The following PDE4B variants were observed in gnomAD, a reference collection of about 807,000 sequenced individuals.
The protein encoded by PDE4B is phosphodiesterase 4B, also known as 3',5'-cyclic-AMP phosphodiesterase 4B.
PDE4B carries 20 observed loss-of-function variants against 82.2 expected under a neutral mutation model. The ratio of observed to expected loss-of-function variants is 0.24; its 90% CI spans 0.17 to 0.35. The LOEUF (loss-of-function observed/expected upper bound fraction) is 0.35, where lower values mean the gene tolerates loss of function less well. Among genes scored for constraint, PDE4B ranks in the 10% least tolerant of loss-of-function variants. PDE4B has a pLI of 1.00. For missense variants in PDE4B, 655 were observed against 907.2 expected (o/e 0.72, Z 3.57); for synonymous variants, 320 against 318.9 (o/e 1.00, Z -0.04).
At chr1:66,037,286 A>G (rs1654119782) in intron 3 of PDE4B, among the ~76,000 whole-genome samples, 1 of 152,112 alleles carries the variant, frequency 6.6e-6, no homozygotes, top group African/African-American at 2.4e-5. Context: ...ATATCTTTTC[A>G]TTTGTCATCA....
At chr1:66,071,131 A>C (rs538324198) in intron 3 of PDE4B, among the ~76,000 whole-genome samples, 1 of 152,188 alleles carries the variant, frequency 6.6e-6, no homozygotes, top group African/African-American at 2.4e-5. Flanking sequence ...TACTCTAATA[A>C]TATTAAGAGA....
intron 3 of PDE4B, among the ~76,000 whole-genome samples, chr1:66,020,871 G>A (rs188486725): frequency 6.3e-4 from 96 of 152,302 alleles, no homozygotes; most frequent in African/African-American, 2.2e-3. Flanking sequence ...TCTAGTTCTA[G>A]ATCCTTGAGG....
At chr1:66,345,482 T>G (rs779724144) in intron 8 of PDE4B, among the ~76,000 whole-genome samples, 88 of 152,306 alleles carry the variant, frequency 5.8e-4, no homozygotes, top group Non-Finnish European at 7.2e-4. Flanking sequence ...ATCATGGAAC[T>G]TGGTTTTTAC....
At chr1:66,145,540 G>A (rs1026299297) in intron 3 of PDE4B, among the ~76,000 whole-genome samples, 1 of 152,076 alleles carries the variant, frequency 6.6e-6, no homozygotes, top group African/African-American at 2.4e-5. Flanking sequence ...CAAAACATAG[G>A]CCTTTTCTGG....
At chr1:66,124,118 A>T (rs1262581092) in intron 3 of PDE4B, among the ~76,000 whole-genome samples, 1 of 152,152 alleles carries the variant, frequency 6.6e-6, no homozygotes, top group Non-Finnish European at 1.5e-5. Context: ...TTCTCAGGTT[A>T]TGGATTTGTC....
intron 6 of PDE4B, 117 bp from the exon 7 acceptor site, chr1:66,265,921 A>C: frequency 1.3e-6 from 1 of 751,390 alleles, no homozygotes. Context: ...GCATTATGTC[A>C]CTACATAGTT....
chr1:65,909,013 A>C (rs966987267), intron 1 of PDE4B, among the ~76,000 whole-genome samples: 1 of 152,196 alleles, frequency 6.6e-6, no homozygotes, highest in African/African-American at 2.4e-5. Flanking sequence ...TCCAAGTCCC[A>C]GACACTGGCC....
chr1:65,874,208 GCT>G (rs1012805041), intron 1 of PDE4B, among the ~76,000 whole-genome samples: 15 of 151,152 alleles, frequency 9.9e-5, no homozygotes, highest in African/African-American at 3.6e-4. Context: ...TCATGATTTG[GCT>G]CTCTGTTTGT....
intron 3 of PDE4B, among the ~76,000 whole-genome samples, chr1:66,033,971 C>A (rs1316754881): frequency 2.6e-5 from 4 of 152,222 alleles, no homozygotes; most frequent in Middle Eastern, 6.8e-3. Flanking sequence ...CAGGTCTCAG[C>A]CACACCCCTA....
chr1:66,116,339 A>G (rs536115920), intron 3 of PDE4B, among the ~76,000 whole-genome samples: 2 of 152,280 alleles, frequency 1.3e-5, no homozygotes, highest in African/African-American at 4.8e-5. Flanking sequence ...GTTCAAGGGT[A>G]GTCCTAGCTT....
chr1:66,367,658 C>T (rs755032247), intron 13 of PDE4B, 38 bp from the exon 14 acceptor site: 15 of 1,523,970 alleles, frequency 9.8e-6, no homozygotes, highest in African/African-American at 2.7e-5. Flanking sequence ...AAATCATATC[C>T]CTTTTTAATT....
chr1:65,838,686 G>A (rs1646173435), intron 1 of PDE4B, among the ~76,000 whole-genome samples: 1 of 150,536 alleles, frequency 6.6e-6, no homozygotes, highest in Non-Finnish European at 1.5e-5. Context: ...TTTATTGTAG[G>A]AGCAGATAGT....
intron 8 of PDE4B, among the ~76,000 whole-genome samples, chr1:66,346,689 CT>C (rs2101973553): frequency 6.6e-6 from 1 of 152,254 alleles, no homozygotes; most frequent in East Asian, 1.9e-4. Context: ...ATATATGCTG[CT>C]GTCAACAATG....
intron 3 of PDE4B, among the ~76,000 whole-genome samples, chr1:66,201,704 T>C (rs1272477848): frequency 2.3e-5 from 1 of 44,270 alleles, no homozygotes; most frequent in Non-Finnish European, 5.0e-5. Flanking sequence ...CCCTTTGTCA[T>C]TTTTTATTGC....
At chr1:66,151,911 C>T (rs1646401652) in intron 3 of PDE4B, among the ~76,000 whole-genome samples, 1 of 152,150 alleles carries the variant, frequency 6.6e-6, no homozygotes, top group Non-Finnish European at 1.5e-5. Flanking sequence ...TTGTACTTCT[C>T]TATGTTTCTT....
chr1:66,271,520 G>A (rs184044886), intron 7 of PDE4B, among the ~76,000 whole-genome samples: 24 of 152,328 alleles, frequency 1.6e-4, no homozygotes, highest in Admixed American at 5.9e-4. Context: ...ATACAGACAC[G>A]TTTTTTACAA....
chr1:65,825,787 A>G (rs112420107), intron 1 of PDE4B, among the ~76,000 whole-genome samples: 122 of 151,272 alleles, frequency 8.1e-4, no homozygotes, highest in Non-Finnish European at 1.3e-3. Flanking sequence ...GTTTTCTGTT[A>G]TCTGTCCTGA....
chr1:65,877,908 T>G (rs1030367945), intron 1 of PDE4B, among the ~76,000 whole-genome samples: 1 of 149,490 alleles, frequency 6.7e-6, no homozygotes, highest in Non-Finnish European at 1.5e-5. Context: ...ACTAAAGAGG[T>G]TCTGCACAGC....
At chr1:65,962,242 A>C (rs1649580965) in intron 3 of PDE4B, among the ~76,000 whole-genome samples, 1 of 152,218 alleles carries the variant, frequency 6.6e-6, no homozygotes, top group Non-Finnish European at 1.5e-5. Flanking sequence ...AGGTTTCTAC[A>C]GAATGTGCAT....
Sources: allele counts gnomAD v4.1 joint callset (sites outside exome capture counted in the v4.1 genomes callset), GRCh38; gene constraint gnomAD v4.1.1; transcripts MANE v1.5; gene names NCBI Gene and HGNC (gene_info 2026-07-23, HGNC 2026-07-21).